Variants in SMG9 observed in about 807,000 individuals in gnomAD.
SMG9 encodes SMG9 nonsense mediated mRNA decay factor.
SMG9 carries 55 observed loss-of-function variants against 64.0 expected under a neutral mutation model. The ratio of observed to expected loss-of-function variants is 0.86; its 90% CI spans 0.69 to 1.08. SMG9 has a LOEUF of 1.08. Among genes scored for constraint, SMG9 ranks in the 50% least tolerant of loss-of-function variants. The probability of loss-of-function intolerance (pLI) is 0.00; values close to 1 mark genes in which losing one functional copy is unlikely to be tolerated. For synonymous variants in SMG9, 244 were observed against 254.8 expected (o/e 0.96, Z 0.41); for missense variants, 554 against 681.3 (o/e 0.81, Z 2.08).
rs200906288 is a variant in SMG9, at chr19:43,740,177, C to T, written c.743G>A (p.Arg248Gln). ...FRAQSAEMKE[R>Q]GGNQTSGIDF... ...GATGCCACTGGTCTGGTTGCCCCCT[C>T]GTTCCTTCATTTCAGCGCTCTGGGC... is the stretch of plus-strand genomic sequence containing the variant. Residue 248 changes from arginine to glutamine, a missense_variant, in exon 7 of 14, where the codon CGA becomes CAA. Physicochemically the swap from Arg to Gln is conservative, Grantham distance 43. Transcript: ENST00000270066. The T allele has an allele frequency of 5.6e-6, 9 of 1,613,816 alleles. No individual in the cohort carries two copies. Among genetic ancestry groups the T allele is most frequent in the Non-Finnish European group, 5.9e-6 (7 of 1,179,974 alleles).
At chr19:43,733,300 T>C (rs779859142) in intron 12 of SMG9, 24 bp downstream of exon 12, 38 of 1,612,652 alleles carry the variant, frequency 2.4e-5, no homozygotes, top group South Asian at 1.6e-4. Context: ...TGTCTCTCCA[T>C]GAACCTGTTG....
intron 2 of SMG9, among the ~76,000 whole-genome samples, chr19:43,748,469 G>GAT: frequency 6.6e-6 from 1 of 152,298 alleles, no homozygotes; most frequent in East Asian, 1.9e-4. Flanking sequence ...GTGGGTATGG[G>GAT]AATTCCTTCC....
chr19:43,731,066 A>G lies in SMG9; in HGVS notation c.*530T>C. 1 of 963,600 alleles carries G rather than the reference A, an allele frequency of 1.0e-6. No homozygotes were observed. The highest frequency in any genetic ancestry group is 1.2e-6 in the Non-Finnish European group (1 of 810,004). 59.7% of individuals were successfully genotyped at this position (963,600 alleles called of 1,614,324 possible). ...GACTTCTTAGCAGAGACTGATCTCC[A>G]TCTGCCCGCAAGGGCTGGGTGTCCA... On this transcript the variant is annotated 3_prime_UTR_variant, in exon 14 of 14. Transcript: ENST00000270066.
intron 6 of SMG9, among the ~76,000 whole-genome samples, chr19:43,742,265 T>A (rs147440558): frequency 6.6e-6 from 1 of 152,158 alleles, no homozygotes; most frequent in Non-Finnish European, 1.5e-5. Flanking sequence ...AGTGAGATCC[T>A]GTCTCTACAA....
rs754195360 is a variant in SMG9, at chr19:43,738,090, C to A, written c.909+32G>T. 2.6e-5 allele frequency: 41 copies of A among 1,598,476 alleles called. No homozygotes were observed. In the Admixed American group the frequency reaches 6.8e-4, roughly 27 times the overall value. On this transcript the variant is annotated intron_variant, in intron 8 of 13. Transcript: ENST00000270066. ...GGAGGATGGGGGTGGGGATGTAAAA[C>A]CTCAGTCCTGGGCCTGGCTTGGCTC...
chr19:43,744,949 G>T (rs140771580), intron 5 of SMG9, 65 bp from the exon 6 acceptor site: 8 of 1,233,686 alleles, frequency 6.5e-6, no homozygotes, highest in African/African-American at 3.0e-5. Flanking sequence ...ATGAGGGGGG[G>T]ACTCCAGAGA....
intron 9 of SMG9, among the ~76,000 whole-genome samples, chr19:43,736,192 G>A (rs1400883559): frequency 6.6e-6 from 1 of 152,152 alleles, no homozygotes; most frequent in African/African-American, 2.4e-5. Flanking sequence ...TATGTAACAG[G>A]GACTAAGCTG....
rs139639393 is a variant in SMG9, at chr19:43,734,405, C to T, written c.1086G>A (p.Glu362=). The T allele has an allele frequency of 3.9e-6, 6 of 1,555,336 alleles. No homozygotes were observed. The highest frequency in any genetic ancestry group is 4.4e-6 in the Non-Finnish European group (5 of 1,148,834). Residue 362 remains glutamate (E), a synonymous_variant, in exon 10 of 14, where the codon GAG becomes GAA. Transcript: ENST00000270066. ...GCCTCTCACCTAGGTGGGGGTAGTA[C>T]TCGGTGCCTTCATCGGAGCCCGATG... is the stretch of plus-strand genomic sequence containing the variant. ...SSSSGSDEGT[E]YYPHLVFLQN... is the part of the protein sequence containing the mutation.
Position 43,754,683 on chromosome 19 carries a change from C to G in SMG9, c.-36G>C, listed in dbSNP as rs1054293131. The G allele has an allele frequency of 6.6e-6, 1 of 152,052 alleles. No individual in the cohort carries two copies. The highest frequency in any genetic ancestry group is 2.4e-5 in the African/African-American group (1 of 41,408). 9.4% of individuals were successfully genotyped at this position (152,052 alleles called of 1,614,324 possible). A position where few individuals can be genotyped will look rare whatever the true frequency, so the allele number is the denominator to read the frequency against. Reference sequence around the variant, plus strand: ...CGCGGCTGCTGATTGGTTCTCGGGGCGCGGTGTGCGCTCTCCCGTGACGGG... The same window carrying G: ...CGCGGCTGCTGATTGGTTCTCGGGGGGCGGTGTGCGCTCTCCCGTGACGGG... On this transcript the variant is annotated 5_prime_UTR_variant, in exon 1 of 14. Coordinates refer to ENST00000270066, the MANE Select transcript of SMG9 (RefSeq NM_019108.4).
Position 43,747,443 on chromosome 19 carries a change from T to TCGA in SMG9, c.584_586dup (p.Ile195_Glu196insVal). 6.2e-7 allele frequency: 1 copy of TCGA among 1,613,196 alleles called. No homozygotes were observed. The highest frequency in any genetic ancestry group is 8.5e-7 in the Non-Finnish European group (1 of 1,180,000). On this transcript the variant is annotated inframe_insertion and splice_region_variant, in exon 5 of 14. Coordinates refer to ENST00000270066, the MANE Select transcript of SMG9 (RefSeq NM_019108.4). ...AGGCAGGGCAGGACCCCTCGGTACC[T>TCGA]CGATGGCACTGTCACACCAATTCAT...
Position 43,731,285 on chromosome 19 carries a change from G to A in SMG9, c.*311C>T, listed in dbSNP as rs1968475230. The A allele has an allele frequency of 8.6e-7, 1 of 1,162,624 alleles. No homozygotes were observed. Among genetic ancestry groups the A allele is most frequent in the Non-Finnish European group, 1.1e-6 (1 of 938,870 alleles). 72.0% of individuals were successfully genotyped at this position (1,162,624 alleles called of 1,614,324 possible). ...GTTGCTCCTGTCCCTGAAAAAGGAGGTCAAGATGGAGCCCGGGCTTCCTGG... is the reference window on the plus strand; with the variant it reads ...GTTGCTCCTGTCCCTGAAAAAGGAGATCAAGATGGAGCCCGGGCTTCCTGG... On this transcript the variant is annotated 3_prime_UTR_variant, in exon 14 of 14. Transcript: ENST00000270066.
chr19:43,735,614 C>CAAAAAAAAA (rs889721095), intron 9 of SMG9, among the ~76,000 whole-genome samples: 26 of 51,538 alleles, frequency 5.0e-4, no homozygotes, highest in African/African-American at 1.8e-3. Flanking sequence ...GACTCTGTCT[C>CAAAAAAAAA]AAAAAAAAAA....
intron 6 of SMG9, among the ~76,000 whole-genome samples, chr19:43,744,263 AC>A (rs1968931575): frequency 6.6e-6 from 1 of 151,474 alleles, no homozygotes; most frequent in African/African-American, 2.4e-5. Flanking sequence ...TACAGAAACC[AC>A]TCTCTGTCTC....
At chr19:43,746,848 G>T (rs1012602024) in intron 5 of SMG9, among the ~76,000 whole-genome samples, 1 of 150,138 alleles carries the variant, frequency 6.7e-6, no homozygotes, top group Admixed American at 6.6e-5. Flanking sequence ...CTGAGACAGG[G>T]TCTCACTCTG....
At chr19:43,752,567 A>G (rs1410537812) in intron 1 of SMG9, among the ~76,000 whole-genome samples, 1 of 152,194 alleles carries the variant, frequency 6.6e-6, no homozygotes, top group Non-Finnish European at 1.5e-5. Flanking sequence ...TACAGTCTGC[A>G]GGGCCTAAAA....
At chr19:43,749,508 T>C (rs1439283001) in intron 2 of SMG9, among the ~76,000 whole-genome samples, 2 of 152,106 alleles carry the variant, frequency 1.3e-5, no homozygotes, top group Admixed American at 6.5e-5. Flanking sequence ...GGGCATTATG[T>C]GGAAGGAAGA....
At chr19:43,751,541 G>C (rs1439596862) in intron 1 of SMG9, among the ~76,000 whole-genome samples, 1 of 152,260 alleles carries the variant, frequency 6.6e-6, no homozygotes, top group African/African-American at 2.4e-5. Context: ...CCTCAGTTCT[G>C]AGCTAGGTAC....
Position 43,747,782 on chromosome 19 carries a change from G to C in SMG9, c.341C>G (p.Thr114Arg), listed in dbSNP as rs1340271411. 1 of 1,607,390 alleles carries C rather than the reference G, an allele frequency of 6.2e-7. No individual in the cohort carries two copies. Among genetic ancestry groups the C allele is most frequent in the Non-Finnish European group, 8.5e-7 (1 of 1,177,140 alleles). Residue 114 changes from threonine (T) to arginine (R), a missense_variant, in exon 4 of 14, where the codon ACA becomes AGA. Physicochemically the swap from Thr to Arg is moderately conservative, Grantham distance 71 (BLOSUM62 -1). Coordinates refer to ENST00000270066, the MANE Select transcript of SMG9 (RefSeq NM_019108.4). Reference sequence around the variant, plus strand: ...GGTGCCCTCAGGGGTAGAGGCACCTGTCACGGCCACAGGCCCCTTCCCCTC... The same window carrying C: ...GGTGCCCTCAGGGGTAGAGGCACCTCTCACGGCCACAGGCCCCTTCCCCTC... ...REEGKGPVAV[T>R]GASTPEGTAP...
chr19:43,752,368 T>C (rs1216324495), intron 1 of SMG9, among the ~76,000 whole-genome samples: 1 of 152,240 alleles, frequency 6.6e-6, no homozygotes, highest in East Asian at 1.9e-4. Context: ...ACTTAACTGT[T>C]TGTAGAACTC....
Sources: allele counts gnomAD v4.1 joint callset (sites outside exome capture counted in the v4.1 genomes callset), GRCh38; gene constraint gnomAD v4.1.1; transcripts MANE v1.5; gene names NCBI Gene and HGNC (gene_info 2026-07-23, HGNC 2026-07-21).